Variants in HIP1 observed in about 807,000 individuals in gnomAD.
The protein encoded by HIP1 is huntingtin interacting protein 1, also known as huntingtin-interacting protein 1.
Under a neutral mutation model 147.6 loss-of-function variants are expected in HIP1, and 65 were observed. The observed-to-expected ratio is 0.44, with a 90% CI of 0.36 to 0.54. HIP1 has a LOEUF of 0.54. HIP1 is among the 20% of genes least tolerant of loss of function. The pLI, the probability that HIP1 is intolerant of heterozygous loss-of-function variation, is 0.00. For synonymous variants in HIP1, 479 were observed against 504.0 expected, an observed-to-expected ratio of 0.95 and a Z score of 0.67; for missense variants, 1,061 against 1,299.6, an observed-to-expected ratio of 0.82 and a Z score of 2.82.
chr7:75,581,166 C>CACAAGGGGT (rs1796026758), intron 7 of HIP1, 71 bp downstream of exon 7: 2 of 1,166,724 alleles, frequency 1.7e-6, no homozygotes, highest in Non-Finnish European at 2.5e-6. Context: ...GCACACTTTG[C>CACAAGGGGT]AGGGAGAGGA....
At chr7:75,634,224 C>T (rs1040790900) in intron 1 of HIP1, among the ~76,000 whole-genome samples, 27 of 151,888 alleles carry the variant, frequency 1.8e-4, no homozygotes, top group Non-Finnish European at 1.5e-5. Flanking sequence ...CGCACCACTG[C>T]ACCCCAGCCT....
At chr7:75,705,689 G>A (rs555089281) in intron 1 of HIP1, among the ~76,000 whole-genome samples, 2 of 152,082 alleles carry the variant, frequency 1.3e-5, no homozygotes, top group East Asian at 3.9e-4. Flanking sequence ...ATAATATTCC[G>A]TTGTATAAAT....
chr7:75,736,050 G>C (rs1293614949), intron 1 of HIP1, among the ~76,000 whole-genome samples: 1 of 151,186 alleles, frequency 6.6e-6, no homozygotes, highest in Admixed American at 6.6e-5. Context: ...GGAAAACACA[G>C]TGAGACCTCC....
chr7:75,737,691 A>G (rs1346096805), intron 1 of HIP1, among the ~76,000 whole-genome samples: 1 of 152,180 alleles, frequency 6.6e-6, no homozygotes, highest in Non-Finnish European at 1.5e-5. Context: ...ACCTTCAGTC[A>G]GATTCTCACT....
At chr7:75,687,679 G>T (rs1438336912) in intron 1 of HIP1, among the ~76,000 whole-genome samples, 1 of 152,072 alleles carries the variant, frequency 6.6e-6, no homozygotes, top group African/African-American at 2.4e-5. Context: ...AGACAAGAGC[G>T]GAACTCCGTC....
At chr7:75,586,362 T>G (rs782701790) in intron 5 of HIP1, among the ~76,000 whole-genome samples, 1 of 151,720 alleles carries the variant, frequency 6.6e-6, no homozygotes, top group Non-Finnish European at 1.5e-5. Context: ...ATCACCACCA[T>G]GGGTAATTTT....
At chr7:75,656,369 T>C (rs1322109259) in intron 1 of HIP1, among the ~76,000 whole-genome samples, 2 of 150,164 alleles carry the variant, frequency 1.3e-5, no homozygotes, top group Non-Finnish European at 3.0e-5. Context: ...AAGTTCTCAC[T>C]CTGGGGGAGA....
chr7:75,677,741 T>C (rs1414216219), intron 1 of HIP1, among the ~76,000 whole-genome samples: 1 of 152,098 alleles, frequency 6.6e-6, no homozygotes, highest in African/African-American at 2.4e-5. Flanking sequence ...CCCCACTCAG[T>C]GCTCCAGCAG....
At chr7:75,615,267 C>CTT (rs1797613994) in intron 1 of HIP1, among the ~76,000 whole-genome samples, 1 of 151,858 alleles carries the variant, frequency 6.6e-6, no homozygotes, top group Non-Finnish European at 1.5e-5. Context: ...AGGAAGTGGA[C>CTT]CCTGTGGCCA....
rs577451014 is a variant in HIP1, at chr7:75,721,792, A to T, written c.120+17009T>A. ...TTCTGGGGGGGCAAAGGCCCATGTGATCAATGCAGAAGTTACCCACAGAAG... is the reference window on the plus strand; with the variant it reads ...TTCTGGGGGGGCAAAGGCCCATGTGTTCAATGCAGAAGTTACCCACAGAAG... On this transcript the variant is annotated intron_variant, in intron 1 of 30. Coordinates refer to ENST00000336926, the MANE Select transcript of HIP1 (RefSeq NM_005338.7). 3.9e-5 allele frequency among the ~76,000 whole-genome samples: 6 copies of T among 152,354 alleles called. No homozygotes were observed. The South Asian group carries it at 1.2e-3, about 32-fold the overall frequency.
chr7:75,555,429 G>A lies in HIP1; in HGVS notation c.1950C>T (p.Cys650=), dbSNP rs1554493037. The change falls in exon 19 of 31, where the codon TGC becomes TGT. Residue 650 remains cysteine (C), a synonymous_variant. Coordinates refer to ENST00000336926, the MANE Select transcript of HIP1 (RefSeq NM_005338.7). ...TTGCAAGTGTACCTGCAGACCCAGC[G>A]CAGCTGATGAGAGGAGGTTCTTCAA... ...NQLEEPPLIS[C]AGSADHLLST... is the part of the protein sequence containing the mutation. 2.5e-6 allele frequency: 4 copies of A among 1,613,782 alleles called. No individual in the cohort carries two copies. The highest frequency in any genetic ancestry group is 1.1e-5 in the South Asian group (1 of 91,062).
In HIP1 at chr7:75,686,653, AT is replaced by A. The variant is rs200565397; in HGVS notation, c.120+52147del. Among the ~76,000 whole-genome samples, 1,033 of 146,636 alleles carry A rather than the reference AT, an allele frequency of 7.0e-3. 14 individuals are homozygous for A. Among genetic ancestry groups the A allele is most frequent in the African/African-American group, 0.024 (961 of 40,174 alleles). On this transcript the variant is annotated intron_variant, in intron 1 of 30. Transcript: ENST00000336926. Reference sequence around the variant, plus strand: ...CCATTTATTTTCCTTCTCTTTTCTCATTTTTTTTTTGTTGTTGTTTGTTTTT... The same window carrying A: ...CCATTTATTTTCCTTCTCTTTTCTCATTTTTTTTTGTTGTTGTTTGTTTTT...
At chr7:75,627,503 C>T (rs942648089) in intron 1 of HIP1, among the ~76,000 whole-genome samples, 24 of 152,076 alleles carry the variant, frequency 1.6e-4, no homozygotes, top group African/African-American at 5.8e-4. Context: ...TTCTCTGAGC[C>T]TCAGTTTCTC....
chr7:75,643,924 T>C lies in HIP1; in HGVS notation c.121-44677A>G, dbSNP rs144894589. On this transcript the variant is annotated intron_variant, in intron 1 of 30. Coordinates refer to ENST00000336926, the MANE Select transcript of HIP1 (RefSeq NM_005338.7). ...TTGAGACAGGAGAATCACTTGGCCC[T>C]GGGAGGCGGAGGTTGCAGTGAGCCA... Among the ~76,000 whole-genome samples the C allele has an allele frequency of 3.6e-3, 548 of 152,206 alleles. 2 individuals are homozygous for C. Among genetic ancestry groups the C allele is most frequent in the African/African-American group, 0.012 (495 of 41,560 alleles).
intron 30 of HIP1, 54 bp from the exon 31 acceptor site, chr7:75,538,278 C>T (rs2069602735): frequency 1.4e-6 from 2 of 1,407,928 alleles, no homozygotes; most frequent in South Asian, 1.2e-5. Context: ...CATTCATTCA[C>T]TTAACCAACA....
At chr7:75,675,597 C>T (rs1799863267) in intron 1 of HIP1, among the ~76,000 whole-genome samples, 1 of 151,880 alleles carries the variant, frequency 6.6e-6, no homozygotes, top group East Asian at 1.9e-4. Context: ...TTCATCATCT[C>T]CCTCTCTCTT....
chr7:75,676,623 A>C (rs1366945694), intron 1 of HIP1, among the ~76,000 whole-genome samples: 1 of 151,678 alleles, frequency 6.6e-6, no homozygotes, highest in Non-Finnish European at 1.5e-5. Flanking sequence ...CTAAAAACAC[A>C]AAATTAGGTG....
chr7:75,724,508 A>G (rs1801595515), intron 1 of HIP1, among the ~76,000 whole-genome samples: 2 of 151,818 alleles, frequency 1.3e-5, no homozygotes, highest in Admixed American at 1.3e-4. Flanking sequence ...TTGCCCTCCC[A>G]AAGTGCTGGG....
At chr7:75,608,318 A>G (rs1463371561) in intron 1 of HIP1, among the ~76,000 whole-genome samples, 1 of 152,180 alleles carries the variant, frequency 6.6e-6, no homozygotes, top group African/African-American at 2.4e-5. Context: ...AAAGAAAACA[A>G]AAAAAAGAAT....
Sources: gnomAD v4.1 joint callset for allele counts (sites outside exome capture counted in the v4.1 genomes callset) on GRCh38, gnomAD v4.1.1 for gene constraint, MANE v1.5 for transcripts, NCBI Gene and HGNC (gene_info 2026-07-23, HGNC 2026-07-21) for gene names.